DNAH2: variants seen among roughly 807,000 people sequenced by gnomAD.
DNAH2 encodes the protein dynein axonemal heavy chain 2, also known as axonemal beta dynein heavy chain 2.
A neutral mutation model predicts 523.5 loss-of-function variants in DNAH2; 323 were observed. The ratio of observed to expected loss-of-function variants is 0.62; its 90% CI spans 0.56 to 0.68. DNAH2 has a LOEUF of 0.68. Ranked by LOEUF, DNAH2 falls within the 30% of genes least tolerant of loss-of-function variation. DNAH2 has a pLI of 0.00. For missense variants in DNAH2, 4,907 were observed against 5,701.5 expected, an observed-to-expected ratio of 0.86 and a Z score of 4.49; for synonymous variants, 2,093 against 2,177.4, an observed-to-expected ratio of 0.96 and a Z score of 1.08.
At position 7,818,645 on chromosome 17, in the gene DNAH2, C is replaced by T; in HGVS notation, c.10539C>T (p.Gly3513=). 6.2e-7 allele frequency: 1 copy of T among 1,613,898 alleles called. No homozygotes were observed. The highest frequency in any genetic ancestry group is 2.2e-5 in the East Asian group (1 of 44,874). Residue 3513 remains glycine (G), a splice_region_variant and synonymous_variant, in exon 70 of 86, where the codon GGC becomes GGT. Transcript: ENST00000572933. ...ACTGTGAGTCCTGATGCCCCCAGGG[C>T]CTGGAGGCCCAGCTGCTGGGCATTG... The part of the protein sequence containing the change: ...TIVNFAVKEQ[G]LEAQLLGIVV...
At chr17:7,815,632 G>A (rs547227503) in intron 63 of DNAH2, among the ~76,000 whole-genome samples, 5 of 133,564 alleles carry the variant, frequency 3.7e-5, no homozygotes, top group East Asian at 4.0e-4. Context: ...ACACATATAC[G>A]GGATCACACA....
intron 39 of DNAH2, among the ~76,000 whole-genome samples, chr17:7,785,136 C>G (rs1306256008): frequency 4.1e-5 from 6 of 146,542 alleles, no homozygotes; most frequent in Non-Finnish European, 8.9e-5. Flanking sequence ...AAAAAAAGCT[C>G]TGTTGCCCAG....
chr17:7,785,995 G>T, intron 39 of DNAH2, 129 bp from the exon 40 acceptor site: 1 of 894,514 alleles, frequency 1.1e-6, no homozygotes, highest in South Asian at 1.7e-5. Flanking sequence ...GAACAGAGCC[G>T]GAGTGCAGAG....
intron 18 of DNAH2, among the ~76,000 whole-genome samples, chr17:7,762,331 C>CTTTTT (rs35824439): frequency 5.4e-5 from 6 of 111,802 alleles, no homozygotes; most frequent in Non-Finnish European, 7.3e-5. Context: ...CGTAGGATTT[C>CTTTTT]TTTTTTTTTT....
chr17:7,736,447 C>A (rs1247809404), intron 7 of DNAH2, among the ~76,000 whole-genome samples: 4 of 152,158 alleles, frequency 2.6e-5, no homozygotes, highest in African/African-American at 9.7e-5. Flanking sequence ...AACAGAGTAT[C>A]CACTTAGTGC....
intron 12 of DNAH2, among the ~76,000 whole-genome samples, chr17:7,753,029 T>C (rs2151182146): frequency 6.6e-6 from 1 of 152,326 alleles, no homozygotes; most frequent in African/African-American, 2.4e-5. Context: ...CCTCTTCAGC[T>C]CAACTTTAAG....
intron 4 of DNAH2, among the ~76,000 whole-genome samples, chr17:7,728,161 A>G (rs1465187602): frequency 6.6e-6 from 1 of 152,162 alleles, no homozygotes; most frequent in East Asian, 1.9e-4. Flanking sequence ...CAGTGTGGAG[A>G]ATACATTAGA....
chr17:7,741,234 CTCTCTTTCTTTCTTTCTT>C (rs1261994122), intron 11 of DNAH2, among the ~76,000 whole-genome samples: 6 of 135,614 alleles, frequency 4.4e-5, no homozygotes, highest in Non-Finnish European at 8.0e-5. Context: ...TTTTTTCTCT[CTCTCTTTCTTTCTTTCTT>C]TCTTTCTTTC....
chr17:7,759,774 C>T lies in DNAH2; in HGVS notation c.2638-17C>T. 6.2e-7 allele frequency: 1 copy of T among 1,614,044 alleles called. No individual in the cohort carries two copies. The highest frequency in any genetic ancestry group is 8.5e-7 in the Non-Finnish European group (1 of 1,179,912). On this transcript the variant is annotated splice_polypyrimidine_tract_variant and intron_variant, in intron 16 of 85. Transcript: ENST00000572933. ...GTCCTAAGGCTTTTCTCTCCATCTC[C>T]ACTGGGTTCCTCACAGGTGGAATTC...
rs1567624599 is a variant in DNAH2, at chr17:7,741,278, CTT to C, written c.1689+288_1689+289del. Among the ~76,000 whole-genome samples the C allele has an allele frequency of 1.4e-4, 8 of 56,724 alleles. No homozygotes were observed. In the South Asian group the frequency reaches 2.9e-3, roughly 20 times the overall value. The allele number at this position is 56,724 out of a possible 152,430, so 37.2% of individuals were successfully genotyped here. A position where few individuals can be genotyped will look rare whatever the true frequency, so the allele number is the denominator to read the frequency against. On this transcript the variant is annotated intron_variant, in intron 11 of 85. Transcript: ENST00000572933. ...TCTTTCTTTCTTTCTTTCTTTCTTTCTTTCTTTCTTTCTTTCTTCCTTCCTTC... is the reference window on the plus strand; with the variant it reads ...TCTTTCTTTCTTTCTTTCTTTCTTTCTCTTTCTTTCTTTCTTCCTTCCTTC...
rs139184787 is a variant in DNAH2, at chr17:7,733,292, A to C, written c.605A>C (p.His202Pro). The change falls in exon 5 of 86, where the codon CAC becomes CCC. Residue 202 changes from histidine to proline, a missense_variant. Transcript: ENST00000572933. The part of the protein sequence containing the change: ...SIRNHFASHL[H>P]KFLACLTDTR... ...AGAAATCATTTTGCTTCTCATCTGCACAAGTTCTTGGCCTGCCTGACAGGT... is the reference window on the plus strand; with the variant it reads ...AGAAATCATTTTGCTTCTCATCTGCCCAAGTTCTTGGCCTGCCTGACAGGT... 5.9e-5 allele frequency: 96 copies of C among 1,614,074 alleles called. No individual in the cohort carries two copies. In the African/African-American group the frequency reaches 6.7e-4, roughly 11 times the overall value.
In DNAH2 at chr17:7,754,226, T is replaced by C. The variant is rs1461135829; in HGVS notation, c.1905-2865T>C. The C allele has an allele frequency of 9.5e-6, 2 of 210,764 alleles. No individual in the cohort carries two copies. Among genetic ancestry groups the C allele is most frequent in the Non-Finnish European group, 1.9e-5 (2 of 107,460 alleles). The allele number at this position is 210,764 out of a possible 1,614,324, so 13.1% of individuals were successfully genotyped here. A position where few individuals can be genotyped will look rare whatever the true frequency, so the allele number is the denominator to read the frequency against. ...GAAGGGGCGCTGTTTTTTATCCTTT[T>C]AATATTGTAGAAACTTGGCCAAACT... On this transcript the variant is annotated intron_variant, in intron 12 of 85. Coordinates refer to ENST00000572933, the MANE Select transcript of DNAH2 (RefSeq NM_020877.5). The surrounding 1 kb of genome is among the most constrained non-coding windows in gnomAD (Gnocchi z 4.6).
rs900921277 is a variant in DNAH2 at position 7,734,798 on chromosome 17, G to C, written c.978+90G>C. The C allele has an allele frequency of 1.6e-5, 22 of 1,373,148 alleles. No homozygotes were observed. In the African/African-American group the frequency reaches 2.6e-4, roughly 16 times the overall value. 85.1% of individuals were successfully genotyped at this position (1,373,148 alleles called of 1,614,324 possible). A position where few individuals can be genotyped will look rare whatever the true frequency, so the allele number is the denominator to read the frequency against. ...GAGCTAAGTAAGGAGAGGGAGCCAA[G>C]GCAATCTTCGATAGCACAGACTGAC... On this transcript the variant is annotated intron_variant, in intron 7 of 85. Coordinates refer to ENST00000572933, the MANE Select transcript of DNAH2 (RefSeq NM_020877.5).
chr17:7,762,396 C>T (rs968220334), intron 18 of DNAH2, among the ~76,000 whole-genome samples: 5 of 144,482 alleles, frequency 3.5e-5, no homozygotes, highest in East Asian at 2.1e-4. Flanking sequence ...AGTGCAATGG[C>T]GCCATCTCTG....
chr17:7,743,072 C>T lies in DNAH2; in HGVS notation c.1834C>T (p.Arg612Trp), dbSNP rs778027747. 14 of 1,539,504 alleles carry T rather than the reference C, an allele frequency of 9.1e-6. No homozygotes were observed. The Admixed American group carries it at 1.3e-4, about 14-fold the overall frequency. The change falls in exon 12 of 86, where the codon CGG becomes TGG. Residue 612 changes from arginine to tryptophan, a missense_variant. By Grantham distance (101) the Arg-to-Trp change is moderately radical (BLOSUM62 -3). This residue lies in a region of DNAH2 where 2,806 missense variants were observed against 3,190.8 expected (regional missense o/e 0.88). Coordinates refer to ENST00000572933, the MANE Select transcript of DNAH2 (RefSeq NM_020877.5). ...WTSSLDKDCIRRLDTPLLRIS... is the reference protein window; with the variant it reads ...WTSSLDKDCIWRLDTPLLRIS... ...ATCAAGTCTGGACAAGGATTGCATT[C>T]GGCGGTTGGATACCCCATTGCTGCG...
In DNAH2 at chr17:7,759,551, A is replaced by C. The variant is rs750785550; in HGVS notation, c.2578A>C (p.Asn860His). 2 of 1,614,214 alleles carry C rather than the reference A, an allele frequency of 1.2e-6. No individual in the cohort carries two copies. The highest frequency in any genetic ancestry group is 3.3e-5 in the Admixed American group (2 of 60,020). Residue 860 changes from asparagine (N) to histidine (H), a missense_variant, in exon 16 of 86, where the codon AAC becomes CAC. By Grantham distance (68) the Asn-to-His change is moderately conservative. Coordinates refer to ENST00000572933, the MANE Select transcript of DNAH2 (RefSeq NM_020877.5). The stretch of plus-strand genomic sequence containing the variant: ...CAACGGGGATGGAAAGACCAGCCCA[A>C]ACCCACTCTTCCAAGTCCTTGTCAT... ...AINGDGKTSPNPLFQVLVILK... is the reference protein window; with the variant it reads ...AINGDGKTSPHPLFQVLVILK...
intron 77 of DNAH2, among the ~76,000 whole-genome samples, chr17:7,829,027 A>AT (rs769072518): frequency 0.01 from 1,449 of 141,854 alleles, 32 homozygotes; most frequent in African/African-American, 0.031. Context: ...CATTATTATT[A>AT]TTATTTTTTT....
In DNAH2 at chr17:7,830,505, A is replaced by G. The variant is rs1249912417; in HGVS notation, c.12045+14A>G. Reference sequence around the variant, plus strand: ...TCCGACTTTGAGGTTTGCATTAGCCAGGGGTCCTCATCCCAGCCCTCTCTC... The same window carrying G: ...TCCGACTTTGAGGTTTGCATTAGCCGGGGGTCCTCATCCCAGCCCTCTCTC... On this transcript the variant is annotated intron_variant, in intron 78 of 85. Coordinates refer to ENST00000572933, the MANE Select transcript of DNAH2 (RefSeq NM_020877.5). 6.2e-7 allele frequency: 1 copy of G among 1,613,386 alleles called. No homozygotes were observed.
At chr17:7,727,088 G>A in intron 3 of DNAH2, 34 bp from the exon 4 acceptor site, 1 of 1,503,388 alleles carries the variant, frequency 6.7e-7, no homozygotes, top group South Asian at 1.4e-5. Context: ...CCTGGCAGTT[G>A]TAGTTACTTT....
Sources: gnomAD v4.1 joint callset for allele counts (sites outside exome capture counted in the v4.1 genomes callset) on GRCh38, gnomAD v4.1.1 for gene constraint, gnomAD v4.1.1 regional missense constraint, Gnocchi (gnomAD v3.1) non-coding constraint, MANE v1.5 for transcripts, NCBI Gene and HGNC (gene_info 2026-07-23, HGNC 2026-07-21) for gene names.